RBPJ: variants seen among roughly 807,000 people sequenced by gnomAD.
RBPJ encodes the protein recombining binding protein suppressor of hairless.
Under a neutral mutation model 67.8 loss-of-function variants are expected in RBPJ, and 9 were observed. The ratio of observed to expected loss-of-function variants is 0.13; its 90% CI spans 0.08 to 0.23. RBPJ has a LOEUF of 0.23. RBPJ is among the 10% of genes least tolerant of loss of function. The pLI, the probability that RBPJ is intolerant of heterozygous loss-of-function variation, is 1.00. For synonymous variants in RBPJ, 198 were observed against 203.3 expected, an observed-to-expected ratio of 0.97 and a Z score of 0.22; for missense variants, 305 against 595.6, an observed-to-expected ratio of 0.51 and a Z score of 5.08.
chr4:26,217,681 G>A (rs2109186072), intron 1 of RBPJ, among the ~76,000 whole-genome samples: 1 of 152,276 alleles, frequency 6.6e-6, no homozygotes, highest in East Asian at 1.9e-4. Flanking sequence ...AAAGTGGGTG[G>A]AAATGCTGCC....
At chr4:26,164,783 G>A (rs1716203242) in intron 1 of RBPJ, among the ~76,000 whole-genome samples, 1 of 152,082 alleles carries the variant, frequency 6.6e-6, no homozygotes. Context: ...ACTGGAAAAT[G>A]GGGGGGACCA....
At chr4:26,117,261 C>T in the RBPJ span, among the ~76,000 whole-genome samples, 3 of 152,094 alleles carry the variant, frequency 2.0e-5, no homozygotes, top group African/African-American at 7.2e-5. Flanking sequence ...CTGGGCATCT[C>T]CCATGACCAC....
rs1560235237 is a variant in RBPJ at position 26,264,442 on chromosome 4, T to G, written c.-166-98004T>G. Among the ~76,000 whole-genome samples the G allele has an allele frequency of 6.6e-6, 1 of 152,206 alleles. No individual in the cohort carries two copies. Among genetic ancestry groups the G allele is most frequent in the Non-Finnish European group, 1.5e-5 (1 of 68,036 alleles). ...TGCCTCCTACATATTGTAGCCATAG[T>G]GATCTTCGTAAACTGTCCATTTGAT... On this transcript the variant is annotated intron_variant, in intron 1 of 4. Coordinates refer to the RBPJ transcript ENST00000512351. The surrounding 1 kb of genome is among the most constrained non-coding windows in gnomAD (Gnocchi z 4.1).
At chr4:26,217,924 A>G (rs1032651066) in intron 1 of RBPJ, among the ~76,000 whole-genome samples, 15 of 152,290 alleles carry the variant, frequency 9.8e-5, no homozygotes, top group African/African-American at 3.4e-4. Context: ...TGTTCAGTAA[A>G]CACTCGTGGA....
chr4:26,238,539 C>T (rs956539993), intron 1 of RBPJ, among the ~76,000 whole-genome samples: 1 of 152,236 alleles, frequency 6.6e-6, no homozygotes, highest in Non-Finnish European at 1.5e-5. Context: ...ATCATCATTA[C>T]TGTTGTGGCC....
the RBPJ span, among the ~76,000 whole-genome samples, chr4:26,116,165 A>G: frequency 6.6e-6 from 1 of 152,216 alleles, no homozygotes; most frequent in Non-Finnish European, 1.5e-5. Context: ...AGCACTGAAA[A>G]TGCACATCCA....
chr4:26,180,991 C>T (rs1716964951), intron 1 of RBPJ, among the ~76,000 whole-genome samples: 2 of 152,062 alleles, frequency 1.3e-5, no homozygotes, highest in Non-Finnish European at 2.9e-5. Flanking sequence ...CTATAAAGGG[C>T]AGTTCCTCTG....
chr4:26,269,239 A>ATTATTTATTTAT lies in RBPJ; in HGVS notation c.-166-93188_-166-93177dup, dbSNP rs372091669. 1.7e-3 allele frequency among the ~76,000 whole-genome samples: 252 copies of ATTATTTATTTAT among 148,960 alleles called. 4 individuals carry two copies. The highest frequency in any genetic ancestry group is 5.6e-3 in the African/African-American group (229 of 40,536). On this transcript the variant is annotated intron_variant, in intron 1 of 4. Transcript: ENST00000512351. ...TATTTATTTATTTAATTTATTTTTT[A>ATTATTTATTTAT]TTATTTATTTATTTATTTATTTATT...
chr4:26,365,686 A>G (rs1728551504), intron 1 of RBPJ, among the ~76,000 whole-genome samples: 2 of 152,160 alleles, frequency 1.3e-5, no homozygotes, highest in South Asian at 4.1e-4. Flanking sequence ...TTAGTTTTAT[A>G]TTATTTTGCC....
chr4:26,342,946 T>C (rs1725699280), intron 1 of RBPJ, among the ~76,000 whole-genome samples: 1 of 152,230 alleles, frequency 6.6e-6, no homozygotes, highest in Admixed American at 6.5e-5. Context: ...CTTTCTATTA[T>C]ACTGGAGTAC....
chr4:26,404,804 T>G (rs1422609505), intron 2 of RBPJ, among the ~76,000 whole-genome samples: 1 of 152,202 alleles, frequency 6.6e-6, no homozygotes, highest in African/African-American at 2.4e-5. Flanking sequence ...TATCAGGCCC[T>G]GTAACGCCTT....
Position 26,293,548 on chromosome 4 carries a change from T to A in RBPJ, c.-166-68898T>A, listed in dbSNP as rs527281823. Among the ~76,000 whole-genome samples the A allele has an allele frequency of 2.0e-5, 3 of 149,940 alleles. No homozygotes were observed. In the East Asian group the frequency reaches 6.0e-4, roughly 30 times the overall value. ...CTACTTGGGAGGCTGAGGCAGAAAG[T>A]TTGCTTGAACCCAGGAGTTCGGGGC... On this transcript the variant is annotated intron_variant, in intron 1 of 4. Transcript: ENST00000512351.
At chr4:26,413,257 A>C (rs1262395762) in intron 3 of RBPJ, among the ~76,000 whole-genome samples, 1 of 152,250 alleles carries the variant, frequency 6.6e-6, no homozygotes, top group Non-Finnish European at 1.5e-5. Flanking sequence ...CTCTTGCCCC[A>C]GGTGTCCACA....
intron 1 of RBPJ, among the ~76,000 whole-genome samples, chr4:26,241,020 A>C (rs181843335): frequency 2.0e-3 from 297 of 152,204 alleles, no homozygotes; most frequent in African/African-American, 6.7e-3. Context: ...CCTGAGCAAC[A>C]AGCCAAAACC....
chr4:26,424,540 G>A lies in RBPJ; in HGVS notation c.634+61G>A, dbSNP rs1178166551. ...TGAAATTGTTAAAATCTTTTGATGAGATACATGGATATATTAAGTTTTGTC... is the reference window on the plus strand; with the variant it reads ...TGAAATTGTTAAAATCTTTTGATGAAATACATGGATATATTAAGTTTTGTC... On this transcript the variant is annotated intron_variant, in intron 6 of 10. Transcript: ENST00000355476. This position sits in a 1 kb window ranked among gnomAD's most constrained non-coding sequence, Gnocchi z 5.3. 7 of 1,565,734 alleles carry A rather than the reference G, an allele frequency of 4.5e-6. No individual in the cohort carries two copies. Among genetic ancestry groups the A allele is most frequent in the Non-Finnish European group, 8.8e-7 (1 of 1,140,414 alleles).
intron 1 of RBPJ, among the ~76,000 whole-genome samples, chr4:26,255,795 C>A (rs1230924265): frequency 1.4e-5 from 2 of 145,350 alleles, no homozygotes; most frequent in African/African-American, 5.3e-5. Flanking sequence ...GAGCAAGACT[C>A]CGTCTCAAAA....
chr4:26,168,786 C>G (rs1410533686), intron 1 of RBPJ, among the ~76,000 whole-genome samples: 1 of 152,078 alleles, frequency 6.6e-6, no homozygotes, highest in Admixed American at 6.5e-5. Flanking sequence ...ATTCTTTTTT[C>G]TCTAAACTTC....
chr4:26,168,882 A>G (rs1364460516), intron 1 of RBPJ, among the ~76,000 whole-genome samples: 1 of 151,940 alleles, frequency 6.6e-6, no homozygotes, highest in Non-Finnish European at 1.5e-5. Context: ...AGGCTTCTGC[A>G]TTCTTCACGT....
intron 1 of RBPJ, among the ~76,000 whole-genome samples, chr4:26,214,538 AGGG>A (rs1718564118): frequency 1.5e-4 from 1 of 6,820 alleles, no homozygotes; most frequent in African/African-American, 6.5e-4. Context: ...GGAGGAAGGG[AGGG>A]AGGGAGGGAG....
Sources: gnomAD v4.1 joint callset for allele counts (sites outside exome capture counted in the v4.1 genomes callset) on GRCh38, gnomAD v4.1.1 for gene constraint, Gnocchi (gnomAD v3.1) non-coding constraint, MANE v1.5 for transcripts, NCBI Gene and HGNC (gene_info 2026-07-23, HGNC 2026-07-21) for gene names.